Variants in CFHR5 observed in about 807,000 individuals in gnomAD.
CFHR5 encodes the protein complement factor H related 5.
CFHR5 carries 73 observed loss-of-function variants against 62.9 expected under a neutral mutation model. That is an observed-to-expected ratio of 1.16 (90% confidence interval 0.96 to 1.41). CFHR5 has a LOEUF of 1.41. Ranked by LOEUF, CFHR5 falls within the 40% of genes most tolerant of loss-of-function variation. The pLI, the probability that CFHR5 is intolerant of heterozygous loss-of-function variation, is 0.00. For missense variants in CFHR5, 779 were observed against 679.9 expected (o/e 1.15, Z -1.62); for synonymous variants, 249 against 227.2 (o/e 1.10, Z -0.86).
chr1:196,978,449 AT>A (rs1301701039), intron 1 of CFHR5, among the ~76,000 whole-genome samples: 6 of 152,114 alleles, frequency 3.9e-5, no homozygotes, highest in Non-Finnish European at 8.8e-5. Flanking sequence ...TGATTAAACT[AT>A]GTGTGTACGT....
intron 3 of CFHR5, among the ~76,000 whole-genome samples, chr1:196,993,349 T>C (rs1653897638): frequency 6.6e-6 from 1 of 152,096 alleles, no homozygotes; most frequent in Non-Finnish European, 1.5e-5. Context: ...GGCTGGAGTG[T>C]AGTGGTGCGA....
chr1:196,994,825 A>G (rs1420888154), intron 4 of CFHR5, among the ~76,000 whole-genome samples: 2 of 152,186 alleles, frequency 1.3e-5, no homozygotes, highest in African/African-American at 4.8e-5. Flanking sequence ...CCTCACAATC[A>G]TGGCAGAAGG....
rs1411434156 is a variant in CFHR5, at chr1:196,996,196, G to T, written c.965G>T (p.Cys322Phe). 1.2e-6 allele frequency: 2 copies of T among 1,605,336 alleles called. No homozygotes were observed. The highest frequency in any genetic ancestry group is 1.7e-6 in the Non-Finnish European group (2 of 1,172,340). ...INGIWTELPM[C>F]VATHQLKRCK... is the part of the protein sequence containing the mutation. ...GGAATATGGACAGAGCTTCCTATGT[G>T]TGTTGGTGAGAAAACATTCCTAAAC... Residue 322 changes from cysteine to phenylalanine, a missense_variant, in exon 6 of 10, where the codon TGT (cysteine) becomes TTT (phenylalanine). Physicochemically the swap from Cys to Phe is radical, Grantham distance 205. Transcript: ENST00000256785.
intron 8 of CFHR5, among the ~76,000 whole-genome samples, chr1:197,004,156 T>C (rs1654226676): frequency 6.6e-6 from 1 of 152,156 alleles, no homozygotes; most frequent in Non-Finnish European, 1.5e-5. Context: ...CCAAAATCTC[T>C]TCATTAGCAT....
chr1:197,000,085 T>C (rs1333733487), intron 7 of CFHR5, among the ~76,000 whole-genome samples: 1 of 151,494 alleles, frequency 6.6e-6, no homozygotes, highest in East Asian at 1.9e-4. Flanking sequence ...AAAACTGAAA[T>C]ACAGGGAATA....
intron 8 of CFHR5, among the ~76,000 whole-genome samples, chr1:197,003,909 A>C (rs2125039412): frequency 6.6e-6 from 1 of 152,306 alleles, no homozygotes; most frequent in Admixed American, 6.5e-5. Flanking sequence ...TAATTCATGA[A>C]GAAGGATCTT....
chr1:196,976,208 G>A (rs1057380414), upstream of CFHR5, among the ~76,000 whole-genome samples: 1 of 152,138 alleles, frequency 6.6e-6, no homozygotes, highest in African/African-American at 2.4e-5. Context: ...ATAGCTATGT[G>A]CATTCCCATT....
chr1:196,982,749 A>T, intron 1 of CFHR5, 136 bp from the exon 2 acceptor site: 1 of 745,060 alleles, frequency 1.3e-6, no homozygotes. Context: ...AAATTAGTAC[A>T]CTGGAAAGCA....
intron 3 of CFHR5, among the ~76,000 whole-genome samples, chr1:196,991,191 C>A (rs555888761): frequency 1.3e-5 from 2 of 152,082 alleles, no homozygotes; most frequent in African/African-American, 4.8e-5. Context: ...ACGTAGTTCT[C>A]GTGCCATGGT....
intron 6 of CFHR5, among the ~76,000 whole-genome samples, chr1:196,996,831 T>G (rs2125035531): frequency 6.6e-6 from 1 of 152,152 alleles, no homozygotes; most frequent in East Asian, 1.9e-4. Flanking sequence ...CTACTTAGTT[T>G]GTCGGTTTCC....
chr1:197,006,051 C>A (rs1167364232), intron 9 of CFHR5, among the ~76,000 whole-genome samples: 6 of 152,102 alleles, frequency 3.9e-5, no homozygotes, highest in Non-Finnish European at 5.9e-5. Context: ...GATGGATAGA[C>A]AAAAATGCCA....
chr1:197,003,471 A>G (rs1654203659), intron 8 of CFHR5, among the ~76,000 whole-genome samples: 1 of 152,150 alleles, frequency 6.6e-6, no homozygotes, highest in African/African-American at 2.4e-5. Flanking sequence ...CTAATGACAC[A>G]TTTCTCAGAA....
upstream of CFHR5, among the ~76,000 whole-genome samples, chr1:196,975,730 C>G (rs74188363): frequency 4.6e-5 from 7 of 152,090 alleles, no homozygotes; most frequent in East Asian, 1.4e-3. Flanking sequence ...TATTTAGGAC[C>G]GTGTTCATTA....
At position 196,993,852 on chromosome 1, in the gene CFHR5, A is replaced by G. The variant is rs7537588; in HGVS notation, c.431-228A>G. ...AGGACATTCTTACTACAATCCTGAAAAGATTCTCATAGAAAATGTTACCTT... is the reference window on the plus strand; with the variant it reads ...AGGACATTCTTACTACAATCCTGAAGAGATTCTCATAGAAAATGTTACCTT... On this transcript the variant is annotated intron_variant, in intron 3 of 9. Coordinates refer to ENST00000256785, the MANE Select transcript of CFHR5 (RefSeq NM_030787.4). Among the ~76,000 whole-genome samples the G allele has an allele frequency of 0.97, 147,005 of 152,238 alleles. 71,012 individuals are homozygous for G. Among genetic ancestry groups the G allele is most frequent in the Middle Eastern group, 1 (294 of 294 alleles).
At chr1:197,007,953 A>T (rs1426983043) in intron 9 of CFHR5, among the ~76,000 whole-genome samples, 2 of 147,712 alleles carry the variant, frequency 1.4e-5, no homozygotes, top group South Asian at 4.2e-4. Context: ...TATGTTATAT[A>T]TACACATTAT....
Position 196,984,107 on chromosome 1 carries a change from T to A in CFHR5, c.400T>A (p.Trp134Arg). ...AAACATTTCGTGTGTAGAACGGGGC[T>A]GGTCCACTCCTCCCATATGCAGCTT... Reference protein sequence around the residue: ...EKNISCVERGWSTPPICSFTK... With the variant: ...EKNISCVERGRSTPPICSFTK... The change falls in exon 3 of 10, where the codon TGG becomes AGG. Residue 134 changes from tryptophan (W) to arginine (R), a missense_variant. Coordinates refer to ENST00000256785, the MANE Select transcript of CFHR5 (RefSeq NM_030787.4). 1 of 1,612,512 alleles carries A rather than the reference T, an allele frequency of 6.2e-7. No individual in the cohort carries two copies. The highest frequency in any genetic ancestry group is 8.5e-7 in the Non-Finnish European group (1 of 1,179,364).
intron 9 of CFHR5, among the ~76,000 whole-genome samples, chr1:197,007,430 A>G (rs947895771): frequency 5.3e-5 from 8 of 152,068 alleles, no homozygotes; most frequent in African/African-American, 9.7e-5. Context: ...TATGGCAAAC[A>G]TGAAAGAATG....
rs1654362449 is a variant in CFHR5, at chr1:197,008,784, G to A, written c.*101G>A. On this transcript the variant is annotated 3_prime_UTR_variant, in exon 10 of 10. Transcript: ENST00000256785. ...GTAGTTACTTCTTTTATTCTTTCAG[G>A]TGTTGTTTAACTCAGTTTTATTTAG... The A allele has an allele frequency of 2.0e-6, 2 of 991,240 alleles. No homozygotes were observed. The highest frequency in any genetic ancestry group is 1.6e-5 in the African/African-American group (1 of 62,062). The allele number at this position is 991,240 out of a possible 1,614,324, so 61.4% of individuals were successfully genotyped here.
chr1:197,003,315 A>C (rs944544899), intron 8 of CFHR5, among the ~76,000 whole-genome samples: 10 of 152,096 alleles, frequency 6.6e-5, no homozygotes, highest in African/African-American at 2.4e-4. Context: ...GGTTCCTAAG[A>C]GGCCACAGAG....
Sources: gnomAD v4.1 joint callset for allele counts (sites outside exome capture counted in the v4.1 genomes callset) on GRCh38, gnomAD v4.1.1 for gene constraint, MANE v1.5 for transcripts, NCBI Gene and HGNC (gene_info 2026-07-23, HGNC 2026-07-21) for gene names.